The following TNFSF13 variants were observed in gnomAD, a reference collection of about 807,000 sequenced individuals.
TNFSF13 encodes tumor necrosis factor ligand superfamily member 13.
A neutral mutation model predicts 30.7 loss-of-function variants in TNFSF13; 18 were observed. That is an observed-to-expected ratio of 0.59 (90% CI 0.41 to 0.87). The LOEUF (loss-of-function observed/expected upper bound fraction) is 0.87. TNFSF13 is among the 40% of genes least tolerant of loss of function. TNFSF13 has a pLI of 0.00. For synonymous variants in TNFSF13, 116 were observed against 123.2 expected (o/e 0.94, Z 0.39); for missense variants, 286 against 308.8 (o/e 0.93, Z 0.55).
chr17:7,560,783 A>C lies in TNFSF13; in HGVS notation c.703A>C (p.Lys235Gln). Residue 235 changes from lysine (K) to glutamine (Q), a missense_variant, in exon 6 of 6, where the codon AAA becomes CAA. Coordinates refer to ENST00000338784, the MANE Select transcript of TNFSF13 (RefSeq NM_003808.4). ...LSVIIPRARA[K>Q]LNLSPHGTFL... ...TGTCATAATTCCCCGGGCAAGGGCGAAACTTAACCTCTCTCCACATGGAAC... is the reference window on the plus strand; with the variant it reads ...TGTCATAATTCCCCGGGCAAGGGCGCAACTTAACCTCTCTCCACATGGAAC... 1 of 1,614,186 alleles carries C rather than the reference A, an allele frequency of 6.2e-7. No homozygotes were observed. The highest frequency in any genetic ancestry group is 2.2e-5 in the East Asian group (1 of 44,888).
In TNFSF13 at chr17:7,560,905, G is replaced by A. The variant is rs2071190393; in HGVS notation, c.*72G>A. 11 of 1,614,074 alleles carry A rather than the reference G, an allele frequency of 6.8e-6. No individual in the cohort carries two copies. Among genetic ancestry groups the A allele is most frequent in the Admixed American group, 3.3e-5 (2 of 60,004 alleles). On this transcript the variant is annotated 3_prime_UTR_variant, in exon 6 of 6. Transcript: ENST00000338784. ...CATACTGGAGACAGCCAAGAGCTGA[G>A]TATATAAAGGAGAGGGAATGTGCAG...
At chr17:7,560,643 G>A (rs2071181759) in intron 5 of TNFSF13, 81 bp from the exon 6 acceptor site, 1 of 1,612,310 alleles carries the variant, frequency 6.2e-7, no homozygotes, top group African/African-American at 1.3e-5. Flanking sequence ...CAGAGGAACG[G>A]TGGAGCTGGA....
In TNFSF13 at chr17:7,559,608, C is replaced by T. The variant is rs1212630816; in HGVS notation, c.259-16C>T. On this transcript the variant is annotated splice_polypyrimidine_tract_variant and intron_variant, in intron 1 of 5. Transcript: ENST00000338784. The surrounding 1 kb of genome is among the most constrained non-coding windows in gnomAD (Gnocchi z 5.4). The stretch of plus-strand genomic sequence containing the variant: ...CTCGCATCTTAACCTAACCTTGACC[C>T]TCTTTCCATGAGCAGAGTTCCGATG... 25 of 1,612,430 alleles carry T rather than the reference C, an allele frequency of 1.6e-5. No homozygotes were observed. The highest frequency in any genetic ancestry group is 2.2e-5 in the East Asian group (1 of 44,884).
rs2150911455 is a variant in TNFSF13 at position 7,558,883 on chromosome 17, T to G, written c.-157T>G. ...AGCACTAACAGTACCCTTAGCTTGC[T>G]TTCCTCCTCCCTCCTTTTTATTTTC... On this transcript the variant is annotated 5_prime_UTR_variant, in exon 1 of 6. Transcript: ENST00000338784. This position sits in a 1 kb window ranked among gnomAD's most constrained non-coding sequence, Gnocchi z 4.3. The G allele has an allele frequency of 2.1e-6, 2 of 951,122 alleles. No homozygotes were observed. Among genetic ancestry groups the G allele is most frequent in the African/African-American group, 1.7e-5 (1 of 59,762 alleles). 58.9% of individuals were successfully genotyped at this position (951,122 alleles called of 1,614,324 possible). A position where few individuals can be genotyped will look rare whatever the true frequency, so the allele number is the denominator to read the frequency against.
At position 7,559,588 on chromosome 17, in the gene TNFSF13, A is replaced by G. The variant is rs368984220; in HGVS notation, c.259-36A>G. On this transcript the variant is annotated intron_variant, in intron 1 of 5. Coordinates refer to ENST00000338784, the MANE Select transcript of TNFSF13 (RefSeq NM_003808.4). This position sits in a 1 kb window ranked among gnomAD's most constrained non-coding sequence, Gnocchi z 5.4. ...AAGGCAGGCTGGCTGGGACCCTCGC[A>G]TCTTAACCTAACCTTGACCCTCTTT... 4.9e-4 allele frequency: 787 copies of G among 1,607,878 alleles called. No individual in the cohort carries two copies. The highest frequency in any genetic ancestry group is 1.0e-3 in the Admixed American group (60 of 59,330).
chr17:7,558,982 C>G lies in TNFSF13; in HGVS notation c.-58C>G, dbSNP rs528195711. The G allele has an allele frequency of 6.8e-6, 10 of 1,481,360 alleles. No homozygotes were observed. Among genetic ancestry groups the G allele is most frequent in the Non-Finnish European group, 9.0e-6 (10 of 1,112,020 alleles). The allele number at this position is 1,481,360 out of a possible 1,614,324, so 91.8% of individuals were successfully genotyped here. On this transcript the variant is annotated 5_prime_UTR_variant, in exon 1 of 6. Transcript: ENST00000338784. The surrounding 1 kb of genome is among the most constrained non-coding windows in gnomAD (Gnocchi z 4.3). Reference sequence around the variant, plus strand: ...CCACTGCCCGTACCCTTACCCGCCCCGCCACCTCCTTGCTACCCCACTCTT... The same window carrying G: ...CCACTGCCCGTACCCTTACCCGCCCGGCCACCTCCTTGCTACCCCACTCTT...
In TNFSF13 at chr17:7,561,173, G is replaced by C; in HGVS notation, c.*340G>C. 1 of 1,145,148 alleles carries C rather than the reference G, an allele frequency of 8.7e-7. No homozygotes were observed. The highest frequency in any genetic ancestry group is 2.4e-5 in the East Asian group (1 of 42,368). The allele number at this position is 1,145,148 out of a possible 1,614,324, so 70.9% of individuals were successfully genotyped here. ...CGGCCGCTCGAGGGAAGCACCCGCCGGTTGGCCGAAGTCCACGAAGCCGCC... is the reference window on the plus strand; with the variant it reads ...CGGCCGCTCGAGGGAAGCACCCGCCCGTTGGCCGAAGTCCACGAAGCCGCC... On this transcript the variant is annotated 3_prime_UTR_variant, in exon 6 of 6. Transcript: ENST00000338784. This position sits in a 1 kb window ranked among gnomAD's most constrained non-coding sequence, Gnocchi z 4.4.
In TNFSF13 at chr17:7,561,314, G is replaced by C; in HGVS notation, c.*481G>C. 1 of 479,060 alleles carries C rather than the reference G, an allele frequency of 2.1e-6. No individual in the cohort carries two copies. The highest frequency in any genetic ancestry group is 3.8e-5 in the East Asian group (1 of 26,124). The allele number at this position is 479,060 out of a possible 1,614,324, so 29.7% of individuals were successfully genotyped here. Reference sequence around the variant, plus strand: ...CCTTCTCTCCATCTATCGGACCCCAGTTTCCATCACTATCTCCAGAGATGT... The same window carrying C: ...CCTTCTCTCCATCTATCGGACCCCACTTTCCATCACTATCTCCAGAGATGT... On this transcript the variant is annotated 3_prime_UTR_variant, in exon 6 of 6. Transcript: ENST00000338784. The surrounding 1 kb of genome is among the most constrained non-coding windows in gnomAD (Gnocchi z 4.4).
upstream of TNFSF13, chr17:7,558,299 C>A (rs972633288): frequency 6.6e-6 from 1 of 152,244 alleles, no homozygotes; most frequent in Non-Finnish European, 1.5e-5. This position sits in a 1 kb window ranked among gnomAD's most constrained non-coding sequence, Gnocchi z 4.3. Flanking sequence ...AACCCGGAAC[C>A]CTGTGTGCTG....
In TNFSF13 at chr17:7,560,994, C is replaced by G. The variant is rs1467742242; in HGVS notation, c.*161C>G. 6.2e-7 allele frequency: 1 copy of G among 1,614,046 alleles called. No homozygotes were observed. Among genetic ancestry groups the G allele is most frequent in the Non-Finnish European group, 8.5e-7 (1 of 1,180,040 alleles). ...CACTTTTCCCTTTTCATTCCCACCC[C>G]CTAGACTTTGATTTTACGGATATCT... On this transcript the variant is annotated 3_prime_UTR_variant, in exon 6 of 6. Coordinates refer to ENST00000338784, the MANE Select transcript of TNFSF13 (RefSeq NM_003808.4).
In TNFSF13 at chr17:7,560,798, C is replaced by A. The variant is rs1170520137; in HGVS notation, c.718C>A (p.Pro240Thr). ...PRARAKLNLS[P>T]HGTFLGFVKL ...GGCAAGGGCGAAACTTAACCTCTCT[C>A]CACATGGAACCTTCCTGGGGTTTGT... The change falls in exon 6 of 6, where the codon CCA (proline) becomes ACA (threonine). Residue 240 changes from proline to threonine, a missense_variant. Physicochemically the swap from Pro to Thr is conservative, Grantham distance 38 (BLOSUM62 -1). Transcript: ENST00000338784. 1.9e-6 allele frequency: 3 copies of A among 1,614,152 alleles called. No homozygotes were observed. The highest frequency in any genetic ancestry group is 1.7e-6 in the Non-Finnish European group (2 of 1,180,020).
chr17:7,561,178 G>A lies in TNFSF13; in HGVS notation c.*345G>A. On this transcript the variant is annotated 3_prime_UTR_variant, in exon 6 of 6. Transcript: ENST00000338784. This position sits in a 1 kb window ranked among gnomAD's most constrained non-coding sequence, Gnocchi z 4.4. The stretch of plus-strand genomic sequence containing the variant: ...GCTCGAGGGAAGCACCCGCCGGTTG[G>A]CCGAAGTCCACGAAGCCGCCCTCTG... 9.3e-7 allele frequency: 1 copy of A among 1,072,796 alleles called. No homozygotes were observed. The highest frequency in any genetic ancestry group is 2.1e-5 in the Admixed American group (1 of 47,436). The allele number at this position is 1,072,796 out of a possible 1,614,324, so 66.5% of individuals were successfully genotyped here.
At chr17:7,560,566 A>T in intron 5 of TNFSF13, 78 bp downstream of exon 5, 1 of 1,610,532 alleles carries the variant, frequency 6.2e-7, no homozygotes, top group Non-Finnish European at 8.5e-7. Context: ...GCTAGGAGGG[A>T]GGTTGGAAAC....
In TNFSF13 at chr17:7,559,972, C is replaced by T. The variant is rs2071153733; in HGVS notation, c.386-77C>T. 3 of 1,613,832 alleles carry T rather than the reference C, an allele frequency of 1.9e-6. No individual in the cohort carries two copies. The highest frequency in any genetic ancestry group is 1.1e-5 in the South Asian group (1 of 91,072). On this transcript the variant is annotated intron_variant, in intron 3 of 5. Transcript: ENST00000338784. The surrounding 1 kb of genome is among the most constrained non-coding windows in gnomAD (Gnocchi z 5.4). Reference sequence around the variant, plus strand: ...GGCTGGCACTTGGGCTCAAGGGGTCCTTATAGGTGAAAGGGAAAGAACCAA... The same window carrying T: ...GGCTGGCACTTGGGCTCAAGGGGTCTTTATAGGTGAAAGGGAAAGAACCAA...
At chr17:7,560,536 T>A (rs1567725655) in intron 5 of TNFSF13, 48 bp downstream of exon 5, 8 of 1,612,572 alleles carry the variant, frequency 5.0e-6, no homozygotes, top group Non-Finnish European at 6.8e-6. Context: ...TGACCGGGGG[T>A]AGCAGTGCAG....
In TNFSF13 at chr17:7,561,027, G is replaced by A. The variant is rs774384497; in HGVS notation, c.*194G>A. Reference sequence around the variant, plus strand: ...TTGATTTTACGGATATCTTGCTTCTGTTCCCCATGGAGCTCCGAATTCTTG... The same window carrying A: ...TTGATTTTACGGATATCTTGCTTCTATTCCCCATGGAGCTCCGAATTCTTG... On this transcript the variant is annotated 3_prime_UTR_variant, in exon 6 of 6. Transcript: ENST00000338784. This position sits in a 1 kb window ranked among gnomAD's most constrained non-coding sequence, Gnocchi z 4.4. 4 of 1,614,040 alleles carry A rather than the reference G, an allele frequency of 2.5e-6. No individual in the cohort carries two copies. The highest frequency in any genetic ancestry group is 3.4e-6 in the Non-Finnish European group (4 of 1,180,002).
rs755774553 is a variant in TNFSF13 at position 7,559,267 on chromosome 17, A to G, written c.228A>G (p.Glu76=). The change falls in exon 1 of 6, where the codon GAA becomes GAG. Residue 76 remains glutamate (E), a synonymous_variant. Transcript: ENST00000338784. This position sits in a 1 kb window ranked among gnomAD's most constrained non-coding sequence, Gnocchi z 5.4. ...CAGGAGGCCCCTCCCAGAATGGGGA[A>G]GGGTATCCCTGGCAGAGTCTCCCGG... ...QGTGGPSQNG[E]GYPWQSLPEQ... is the part of the protein sequence containing the mutation. 8.1e-6 allele frequency: 13 copies of G among 1,608,244 alleles called. No individual in the cohort carries two copies. The highest frequency in any genetic ancestry group is 1.1e-5 in the Non-Finnish European group (13 of 1,178,366).
rs887665750 is a variant in TNFSF13 at position 7,559,987 on chromosome 17, G to T, written c.386-62G>T. ...TCAAGGGGTCCTTATAGGTGAAAGG[G>T]AAAGAACCAAAAAGCACCTGAGAGT... On this transcript the variant is annotated intron_variant, in intron 3 of 5. Transcript: ENST00000338784. This position sits in a 1 kb window ranked among gnomAD's most constrained non-coding sequence, Gnocchi z 5.4. 1 of 1,613,902 alleles carries T rather than the reference G, an allele frequency of 6.2e-7. No individual in the cohort carries two copies. Among genetic ancestry groups the T allele is most frequent in the African/African-American group, 1.3e-5 (1 of 75,006 alleles).
chr17:7,560,677 C>G, intron 5 of TNFSF13, 47 bp from the exon 6 acceptor site: 1 of 1,613,532 alleles, frequency 6.2e-7, no homozygotes, highest in Non-Finnish European at 8.5e-7. Flanking sequence ...AACAGGGCAT[C>G]TGGATGGCTG....
Sources: gnomAD v4.1 joint callset for allele counts on GRCh38, gnomAD v4.1.1 for gene constraint, Gnocchi (gnomAD v3.1) non-coding constraint, MANE v1.5 for transcripts, NCBI Gene and HGNC (gene_info 2026-07-23, HGNC 2026-07-21) for gene names.